Variants in ALPK2 observed in about 807,000 individuals in gnomAD.
ALPK2 encodes alpha-protein kinase 2.
ALPK2 carries 127 observed loss-of-function variants against 163.1 expected under a neutral mutation model. The ratio of observed to expected loss-of-function variants is 0.78; its 90% CI spans 0.67 to 0.90. The LOEUF (loss-of-function observed/expected upper bound fraction) is 0.90, where lower values mean the gene tolerates loss of function less well. ALPK2 is among the 40% of genes least tolerant of loss of function. The pLI, the probability that ALPK2 is intolerant of heterozygous loss-of-function variation, is 0.00. For synonymous variants in ALPK2, 953 were observed against 959.1 expected, an observed-to-expected ratio of 0.99 and a Z score of 0.12; for missense variants, 2,360 against 2,589.6, an observed-to-expected ratio of 0.91 and a Z score of 1.92.
At chr18:58,489,616 G>T (rs1472469111) in intron 12 of ALPK2, among the ~76,000 whole-genome samples, 1 of 152,050 alleles carries the variant, frequency 6.6e-6, no homozygotes, top group Non-Finnish European at 1.5e-5. Context: ...GAGCCCAGGA[G>T]TTCGAGGCAG....
Position 58,579,792 on chromosome 18 carries a change from C to T in ALPK2, c.984G>A (p.Glu328=). 2.5e-6 allele frequency: 4 copies of T among 1,614,228 alleles called. No homozygotes were observed. Among genetic ancestry groups the T allele is most frequent in the Non-Finnish European group, 3.4e-6 (4 of 1,180,036 alleles). Residue 328 remains glutamate (E), a synonymous_variant, in exon 4 of 13, where the codon GAG becomes GAA. Transcript: ENST00000361673. ...YTEEFSDDDL[E]YLECSDVMTD... ...TCATAACATCAGAACATTCCAGATA[C>T]TCCAGGTCATCATCTGAAAACTCCT...
At chr18:58,509,713 C>T (rs1452537043) in intron 10 of ALPK2, among the ~76,000 whole-genome samples, 3 of 151,958 alleles carry the variant, frequency 2.0e-5, no homozygotes, top group Admixed American at 2.0e-4. Context: ...TATCCTTCAC[C>T]CACTTGTTGA....
chr18:58,541,776 G>T (rs2051691302), intron 4 of ALPK2, among the ~76,000 whole-genome samples: 1 of 151,934 alleles, frequency 6.6e-6, no homozygotes, highest in African/African-American at 2.4e-5. Flanking sequence ...GGTTTTTTTT[G>T]AAGTGAAGCC....
At chr18:58,609,585 T>C (rs1476232233) in intron 2 of ALPK2, among the ~76,000 whole-genome samples, 1 of 152,204 alleles carries the variant, frequency 6.6e-6, no homozygotes, top group Non-Finnish European at 1.5e-5. Flanking sequence ...TTTCCCCCAG[T>C]TTCCTAATGG....
At chr18:58,519,844 C>T (rs1271264599) in intron 8 of ALPK2, among the ~76,000 whole-genome samples, 3 of 152,166 alleles carry the variant, frequency 2.0e-5, no homozygotes, top group Admixed American at 6.5e-5. Context: ...TCTTCCTCAG[C>T]GATGGCTGAA....
At position 58,580,106 on chromosome 18, in the gene ALPK2, A is replaced by G. The variant is rs1367099586; in HGVS notation, c.670T>C (p.Tyr224His). The G allele has an allele frequency of 3.1e-6, 5 of 1,614,124 alleles. No homozygotes were observed. The highest frequency in any genetic ancestry group is 3.3e-5 in the Admixed American group (2 of 60,014). ...GLLFLNSSHI[Y>H]EKQDRCCHKT... The stretch of plus-strand genomic sequence containing the variant: ...TGGCAACATCTGTCTTGTTTTTCAT[A>G]AATATGACTTGAATTAAGAAAAAGC... Residue 224 changes from tyrosine to histidine, a missense_variant, in exon 4 of 13, where the codon TAT (tyrosine) becomes CAT (histidine). Coordinates refer to ENST00000361673, the MANE Select transcript of ALPK2 (RefSeq NM_052947.4).
At chr18:58,518,891 C>T (rs2051535594) in intron 8 of ALPK2, among the ~76,000 whole-genome samples, 4 of 152,310 alleles carry the variant, frequency 2.6e-5, no homozygotes, top group African/African-American at 9.6e-5. Context: ...ATTCAAACCC[C>T]TTCTTAAATG....
chr18:58,620,532 T>C (rs1198383049), intron 1 of ALPK2, among the ~76,000 whole-genome samples: 1 of 152,180 alleles, frequency 6.6e-6, no homozygotes, highest in Non-Finnish European at 1.5e-5. Flanking sequence ...ATGCTAATAA[T>C]AAATGTGCCT....
At chr18:58,563,467 G>C (rs2144178881) in intron 4 of ALPK2, among the ~76,000 whole-genome samples, 1 of 152,276 alleles carries the variant, frequency 6.6e-6, no homozygotes, top group South Asian at 2.1e-4. Flanking sequence ...AAGTGACTTT[G>C]AGACTGACTC....
intron 2 of ALPK2, among the ~76,000 whole-genome samples, chr18:58,608,713 C>T (rs1472973383): frequency 1.3e-5 from 2 of 151,944 alleles, no homozygotes; most frequent in African/African-American, 4.8e-5. Context: ...TTTGGGAGGC[C>T]GAGGCAGGGG....
rs1246298212 is a variant in ALPK2 at position 58,579,555 on chromosome 18, G to A, written c.1221C>T (p.Pro407=). Residue 407 remains proline (P), a synonymous_variant, in exon 4 of 13, where the codon CCC becomes CCT. Coordinates refer to ENST00000361673, the MANE Select transcript of ALPK2 (RefSeq NM_052947.4). ...TGCTGCTCCTCACCCCAACTTCTTG[G>A]GGTTGTGAGTGATGACCACAGAAGC... ...TAGFCGHHSQ[P]QEVGVRSSRV... The A allele has an allele frequency of 6.2e-7, 1 of 1,613,404 alleles. No individual in the cohort carries two copies. Among genetic ancestry groups the A allele is most frequent in the Non-Finnish European group, 8.5e-7 (1 of 1,179,972 alleles).
At chr18:58,594,815 G>A (rs756625956) in intron 3 of ALPK2, among the ~76,000 whole-genome samples, 26 of 152,212 alleles carry the variant, frequency 1.7e-4, no homozygotes, top group Non-Finnish European at 2.4e-4. Flanking sequence ...GAACCTGGCC[G>A]CTTCCTCCCA....
At chr18:58,548,679 G>T (rs547517181) in intron 4 of ALPK2, among the ~76,000 whole-genome samples, 5 of 152,068 alleles carry the variant, frequency 3.3e-5, no homozygotes, top group Admixed American at 6.6e-5. Flanking sequence ...CACAGGTGAC[G>T]CAGCAGGCAA....
intron 3 of ALPK2, among the ~76,000 whole-genome samples, chr18:58,590,005 G>T (rs2052006718): frequency 6.6e-6 from 1 of 151,898 alleles, no homozygotes; most frequent in East Asian, 1.9e-4. Context: ...ATCACTTGAG[G>T]TCAGGAGTTT....
chr18:58,528,787 C>T (rs534157455), intron 6 of ALPK2: 1 of 348,838 alleles, frequency 2.9e-6, no homozygotes, highest in South Asian at 2.7e-5. Context: ...GACCACAGAA[C>T]CTCAGACTAG....
intron 3 of ALPK2, among the ~76,000 whole-genome samples, chr18:58,604,220 G>T (rs1247060453): frequency 6.6e-6 from 1 of 152,154 alleles, no homozygotes; most frequent in East Asian, 1.9e-4. Context: ...ATCAAATGCA[G>T]GTGAAGAAAA....
chr18:58,550,768 A>G (rs1568082765), intron 4 of ALPK2, among the ~76,000 whole-genome samples: 1 of 149,974 alleles, frequency 6.7e-6, no homozygotes, highest in Non-Finnish European at 1.5e-5. Flanking sequence ...CCCTATCTCT[A>G]TCATGTACAA....
chr18:58,563,022 A>T (rs535159884), intron 4 of ALPK2, among the ~76,000 whole-genome samples: 10 of 152,376 alleles, frequency 6.6e-5, no homozygotes, highest in Non-Finnish European at 1.2e-4. Flanking sequence ...GGTTACAAAC[A>T]TTAGCCCATA....
intron 12 of ALPK2, among the ~76,000 whole-genome samples, chr18:58,482,761 A>T (rs1162891168): frequency 6.6e-6 from 1 of 152,172 alleles, no homozygotes; most frequent in Non-Finnish European, 1.5e-5. Flanking sequence ...AAATACTGAA[A>T]TTATAAATGG....
Sources: gnomAD v4.1 joint callset for allele counts (sites outside exome capture counted in the v4.1 genomes callset) on GRCh38, gnomAD v4.1.1 for gene constraint, MANE v1.5 for transcripts, NCBI Gene and HGNC (gene_info 2026-07-23, HGNC 2026-07-21) for gene names.